The following FRMPD4 variants were observed in gnomAD, a reference collection of about 807,000 sequenced individuals.
FRMPD4 encodes the protein FERM and PDZ domain-containing protein 4.
Under a neutral mutation model 94.1 loss-of-function variants are expected in FRMPD4, and 22 were observed. That is an observed-to-expected ratio of 0.23 (90% confidence interval 0.17 to 0.33). The LOEUF (loss-of-function observed/expected upper bound fraction) is 0.33, where lower values mean the gene tolerates loss of function less well. FRMPD4 is among the 10% of genes least tolerant of loss of function. The pLI is 1.00. For missense variants in FRMPD4, 1,111 were observed against 1,339.9 expected, an observed-to-expected ratio of 0.83 and a Z score of 2.67; for synonymous variants, 631 against 548.6, an observed-to-expected ratio of 1.15 and a Z score of -2.10.
At chrX:12,032,475 AG>A (rs969303334) in intron 3 of FRMPD4, among the ~76,000 whole-genome samples, 7 of 112,558 alleles carry the variant, frequency 6.2e-5, no homozygotes, top group Non-Finnish European at 1.1e-4. Flanking sequence ...CAAGGAGAAT[AG>A]TTTCAGTGGA....
intron 1 of FRMPD4, among the ~76,000 whole-genome samples, chrX:12,451,524 C>A (rs988307345): frequency 1.8e-5 from 2 of 111,620 alleles, no homozygotes; most frequent in African/African-American, 6.5e-5. Flanking sequence ...TTGACTGATA[C>A]CTATTTCTGT....
chrX:12,542,782 A>T (rs1340422683), intron 2 of FRMPD4, among the ~76,000 whole-genome samples: 8 of 111,592 alleles, frequency 7.2e-5, no homozygotes, highest in Non-Finnish European at 1.3e-4. Context: ...CATTGCCAAG[A>T]CAATCCTAAG....
At position 12,604,123 on chromosome X, in the gene FRMPD4, GA is replaced by G. The variant is rs778184769; in HGVS notation, c.159-5584del. 4.3e-3 allele frequency among the ~76,000 whole-genome samples: 405 copies of G among 93,342 alleles called. 3 individuals carry two copies. Among genetic ancestry groups the G allele is most frequent in the Non-Finnish European group, 5.0e-3 (230 of 46,030 alleles). 81.1% of individuals were successfully genotyped at this position (93,342 alleles called of 115,157 possible). A position where few individuals can be genotyped will look rare whatever the true frequency, so the allele number is the denominator to read the frequency against. ...TGTTTCAAGCCTTATTTGGGTAGAG[GA>G]AAAAAAAAAAAAACCAATGAAGAAA... is the stretch of plus-strand genomic sequence containing the variant. On this transcript the variant is annotated intron_variant, in intron 2 of 16. Coordinates refer to ENST00000675598, the MANE Select transcript of FRMPD4 (RefSeq NM_001368397.1).
chrX:12,478,028 G>T (rs1451122382), intron 1 of FRMPD4, among the ~76,000 whole-genome samples: 1 of 112,385 alleles, frequency 8.9e-6, no homozygotes, highest in Non-Finnish European at 1.9e-5. Flanking sequence ...GGTGGCATGG[G>T]AAAGTGTCTC....
chrX:12,170,850 T>C (rs2056208085), intron 1 of FRMPD4, among the ~76,000 whole-genome samples: 1 of 112,972 alleles, frequency 8.9e-6, no homozygotes, highest in South Asian at 3.6e-4. Context: ...CCTGTGAACA[T>C]CTAGAAACCC....
chrX:12,262,782 G>A (rs1344478965), intron 1 of FRMPD4, among the ~76,000 whole-genome samples: 1 of 111,682 alleles, frequency 9.0e-6, no homozygotes, highest in Admixed American at 9.5e-5. Flanking sequence ...AAAGGAGATA[G>A]TTGTCTCTTC....
chrX:12,332,301 T>C (rs1028761912), intron 1 of FRMPD4, among the ~76,000 whole-genome samples: 3 of 100,299 alleles, frequency 3.0e-5, no homozygotes, highest in African/African-American at 1.1e-4. Context: ...TGTTTCAACA[T>C]TGAAAATGAA....
chrX:12,290,650 T>C (rs6640959), intron 1 of FRMPD4, among the ~76,000 whole-genome samples: 7,661 of 111,865 alleles, frequency 0.068, 628 homozygotes, highest in African/African-American at 0.23. Context: ...TTCTTTAATA[T>C]TGTGTAGTAC....
chrX:12,457,510 T>C (rs2057346406), intron 1 of FRMPD4, among the ~76,000 whole-genome samples: 1 of 111,856 alleles, frequency 8.9e-6, no homozygotes, highest in African/African-American at 3.2e-5. Context: ...GAATACTACA[T>C]ACGGTATAGA....
At position 12,138,777 on chromosome X, in the gene FRMPD4, C is replaced by T; in HGVS notation, c.-195C>T. The T allele has an allele frequency of 2.7e-6, 1 of 364,835 alleles. No homozygotes were observed. Among genetic ancestry groups the T allele is most frequent in the Non-Finnish European group, 4.7e-6 (1 of 212,370 alleles). 30.1% of individuals were successfully genotyped at this position (364,835 alleles called of 1,213,427 possible). A position where few individuals can be genotyped will look rare whatever the true frequency, so the allele number is the denominator to read the frequency against. ...ATGGTCCTGCTCGGGGATGCACACGCAGCTCGCGGCCGGAGGGGGGTAGCA... is the reference window on the plus strand; with the variant it reads ...ATGGTCCTGCTCGGGGATGCACACGTAGCTCGCGGCCGGAGGGGGGTAGCA... On this transcript the variant is annotated 5_prime_UTR_variant, in exon 1 of 17. An upstream open reading frame in the 5' UTR gains an earlier in-frame stop. Coordinates refer to ENST00000675598, the MANE Select transcript of FRMPD4 (RefSeq NM_001368397.1).
At chrX:12,562,657 G>A (rs1371688608) in intron 2 of FRMPD4, among the ~76,000 whole-genome samples, 7 of 112,264 alleles carry the variant, frequency 6.2e-5, no homozygotes, top group Admixed American at 3.8e-4. Flanking sequence ...TCACATAAAC[G>A]CACACTCAGT....
chrX:12,498,601 C>T (rs1183812877), intron 1 of FRMPD4, 79 bp from the exon 2 acceptor site: 5 of 601,156 alleles, frequency 8.3e-6, no homozygotes, highest in South Asian at 2.2e-5. Context: ...GAGCAAGTCA[C>T]ATTCTCCTTC....
chrX:12,015,887 G>C (rs1383235169), intron 3 of FRMPD4, among the ~76,000 whole-genome samples: 1 of 111,884 alleles, frequency 8.9e-6, no homozygotes, highest in Non-Finnish European at 1.9e-5. Context: ...CAGAAAGACA[G>C]ATGTGAAATA....
At chrX:12,626,193 G>A (rs2059345125) in intron 4 of FRMPD4, among the ~76,000 whole-genome samples, 1 of 109,285 alleles carries the variant, frequency 9.2e-6, no homozygotes, top group Non-Finnish European at 1.9e-5. Flanking sequence ...GCCAGGCATG[G>A]TGGTACACAC....
intron 3 of FRMPD4, among the ~76,000 whole-genome samples, chrX:11,882,260 G>A (rs1287917170): frequency 1.8e-5 from 2 of 110,743 alleles, no homozygotes; most frequent in Non-Finnish European, 3.8e-5. Flanking sequence ...TTCTTCAGGG[G>A]AGGAGGAGGA....
rs758839572 is a variant in FRMPD4 at position 12,609,862 on chromosome X, C to T, written c.300C>T (p.Val100=). 5.1e-5 allele frequency: 62 copies of T among 1,208,768 alleles called. No homozygotes were observed. The South Asian group carries it at 8.5e-4, about 17-fold the overall frequency. ...TGGCAGGCAGTGAAAAGCCAGTGGT[C>T]GTTCGCTCAGTAACACCAGGTAAGC... ...GFVAGSEKPV[V]VRSVTPGGPS... The change falls in exon 3 of 17, where the codon GTC becomes GTT. Residue 100 remains valine (V), a synonymous_variant. Transcript: ENST00000675598.
Position 11,977,119 on chromosome X carries a change from G to C in FRMPD4, c.95+99101G>C, listed in dbSNP as rs953941594. 7.2e-5 allele frequency among the ~76,000 whole-genome samples: 8 copies of C among 111,784 alleles called. No individual in the cohort carries two copies. In the Admixed American group the frequency reaches 7.6e-4, roughly 11 times the overall value. ...TGAGTTTTTTAATAAAAGTTAAAAA[G>C]GCACTTAGATTGATACATGTTGCTG... On this transcript the variant is annotated intron_variant, in intron 3 of 18. Coordinates refer to the FRMPD4 transcript ENST00000640291.
At chrX:12,530,348 G>A (rs746861493) in intron 2 of FRMPD4, among the ~76,000 whole-genome samples, 1 of 111,253 alleles carries the variant, frequency 9.0e-6, no homozygotes, top group African/African-American at 3.3e-5. Context: ...AACATGAATT[G>A]GAGTCACTGG....
chrX:12,567,699 G>A (rs1161930693), intron 2 of FRMPD4, among the ~76,000 whole-genome samples: 1 of 111,489 alleles, frequency 9.0e-6, no homozygotes, highest in Non-Finnish European at 1.9e-5. Flanking sequence ...CCAGGCTTCT[G>A]ACAGGCCTTA....
Sources: allele counts gnomAD v4.1 joint callset (sites outside exome capture counted in the v4.1 genomes callset), GRCh38; gene constraint gnomAD v4.1.1; transcripts MANE v1.5; gene names NCBI Gene and HGNC (gene_info 2026-07-23, HGNC 2026-07-21).